The following PRKG1 variants were observed in gnomAD, a reference collection of about 807,000 sequenced individuals.
PRKG1 encodes protein kinase cGMP-dependent 1.
PRKG1 carries 35 observed loss-of-function variants against 88.1 expected under a neutral mutation model. That is an observed-to-expected ratio of 0.40 (90% CI 0.30 to 0.53). The LOEUF (loss-of-function observed/expected upper bound fraction) is 0.53, where lower values mean the gene tolerates loss of function less well. Ranked by LOEUF, PRKG1 falls within the 20% of genes least tolerant of loss-of-function variation. The pLI, the probability that PRKG1 is intolerant of heterozygous loss-of-function variation, is 0.59. For missense variants in PRKG1, 540 were observed against 839.8 expected (o/e 0.64, Z 4.41); for synonymous variants, 303 against 292.5 (o/e 1.04, Z -0.37).
intron 2 of PRKG1, among the ~76,000 whole-genome samples, chr10:51,194,297 G>T (rs1837706545): frequency 1.3e-5 from 2 of 149,226 alleles, no homozygotes; most frequent in African/African-American, 4.9e-5. Flanking sequence ...GAGCAGGTTT[G>T]TTACATAGGT....
chr10:51,054,222 A>G (rs1288440696), intron 1 of PRKG1, among the ~76,000 whole-genome samples: 1 of 152,198 alleles, frequency 6.6e-6, no homozygotes, highest in Non-Finnish European at 1.5e-5. Context: ...AAAAAATTCC[A>G]TGGAGACTTC....
chr10:52,239,802 A>T (rs536245816), intron 9 of PRKG1, among the ~76,000 whole-genome samples: 1 of 152,252 alleles, frequency 6.6e-6, no homozygotes, highest in East Asian at 1.9e-4. Flanking sequence ...ATATGCTCAG[A>T]GAAGCAATTA....
intron 3 of PRKG1, among the ~76,000 whole-genome samples, chr10:51,766,962 A>T (rs912995521): frequency 3.9e-5 from 6 of 152,210 alleles, no homozygotes; most frequent in Admixed American, 6.5e-5. Context: ...ACTCCACAAT[A>T]GAAGCCACTT....
intron 3 of PRKG1, among the ~76,000 whole-genome samples, chr10:51,726,168 T>A (rs1467304513): frequency 6.6e-6 from 1 of 152,216 alleles, no homozygotes. Flanking sequence ...GGTCTTTTTT[T>A]AAAGTTTGTT....
At chr10:52,282,121 G>T in intron 13 of PRKG1, 32 bp from the exon 14 acceptor site, 1 of 1,544,946 alleles carries the variant, frequency 6.5e-7, no homozygotes, top group Non-Finnish European at 8.8e-7. Context: ...ATCATAAGGA[G>T]CTTAAGTATC....
At chr10:51,036,807 G>A (rs1843359449) in intron 1 of PRKG1, among the ~76,000 whole-genome samples, 1 of 152,098 alleles carries the variant, frequency 6.6e-6, no homozygotes, top group South Asian at 2.1e-4. Context: ...AATGGGGAAG[G>A]GAAGGAACCA....
intron 5 of PRKG1, among the ~76,000 whole-genome samples, chr10:51,951,998 C>T (rs575443424): frequency 2.5e-4 from 38 of 152,122 alleles, no homozygotes; most frequent in Non-Finnish European, 3.8e-4. Flanking sequence ...CCTTGCCATA[C>T]CCATTTGTTA....
chr10:51,769,853 A>G (rs1021982622), intron 3 of PRKG1, among the ~76,000 whole-genome samples: 1 of 152,204 alleles, frequency 6.6e-6, no homozygotes, highest in Non-Finnish European at 1.5e-5. Context: ...GAGGGGAAAA[A>G]AAAGTCAAAA....
intron 1 of PRKG1, among the ~76,000 whole-genome samples, chr10:51,040,302 T>A (rs1233547988): frequency 7.2e-6 from 1 of 139,348 alleles, no homozygotes; most frequent in Non-Finnish European, 1.5e-5. Flanking sequence ...TGCTTTTTTT[T>A]CTTTTTCTCT....
intron 2 of PRKG1, among the ~76,000 whole-genome samples, chr10:51,196,641 CT>C (rs1162774994): frequency 1.3e-5 from 2 of 152,064 alleles, no homozygotes; most frequent in Non-Finnish European, 2.9e-5. Flanking sequence ...AATATTTGGG[CT>C]TGTGAACTGT....
rs1165277088 is a variant in PRKG1, at chr10:51,229,946, A to AC, written c.478+76616_478+76617insC. The stretch of plus-strand genomic sequence containing the variant: ...GATCTCAAAAAAAAAAAAAAAAAAA[A>AC]AAGAAAAAGAAAAAAGAAAGAAAAA... On this transcript the variant is annotated intron_variant, in intron 2 of 17. Transcript: ENST00000373980. Among the ~76,000 whole-genome samples the AC allele has an allele frequency of 7.3e-5, 11 of 149,854 alleles. No homozygotes were observed. In the Middle Eastern group the frequency reaches 0.014, roughly 191 times the overall value.
intron 7 of PRKG1, among the ~76,000 whole-genome samples, chr10:52,100,167 G>A (rs1347405051): frequency 6.6e-6 from 1 of 152,178 alleles, no homozygotes; most frequent in Admixed American, 6.5e-5. Context: ...TCCCAGCACA[G>A]TGAACTCATG....
chr10:52,277,157 T>G (rs927297623), intron 12 of PRKG1, among the ~76,000 whole-genome samples: 1 of 152,136 alleles, frequency 6.6e-6, no homozygotes, highest in Non-Finnish European at 1.5e-5. Flanking sequence ...GTGGTCTGTT[T>G]GCTTCGTGGT....
In PRKG1 at chr10:51,510,127, A is replaced by G. The variant is rs796744963; in HGVS notation, c.592+42291A>G. On this transcript the variant is annotated intron_variant, in intron 3 of 17. Coordinates refer to ENST00000373980, the MANE Select transcript of PRKG1 (RefSeq NM_006258.4). ...CTTTCCTTTCACTGCTTTTTTGTAA[A>G]CGTGATCTGTGAGGAAGAAAAATTG... Among the ~76,000 whole-genome samples, 6 of 152,198 alleles carry G rather than the reference A, an allele frequency of 3.9e-5. 1 individual carries two copies. The highest frequency in any genetic ancestry group is 1.2e-4 in the African/African-American group (5 of 41,536).
chr10:52,277,801 T>C (rs1324532951), intron 12 of PRKG1, among the ~76,000 whole-genome samples: 1 of 152,190 alleles, frequency 6.6e-6, no homozygotes, highest in African/African-American at 2.4e-5. Flanking sequence ...TCATGAGAAA[T>C]TGATCTCTCA....
chr10:51,504,668 C>T (rs561119638), intron 3 of PRKG1, among the ~76,000 whole-genome samples: 179 of 152,206 alleles, frequency 1.2e-3, no homozygotes, highest in Non-Finnish European at 2.2e-3. Context: ...TTGTAGTTCT[C>T]CTTGAAGAGG....
rs577532894 is a variant in PRKG1, at chr10:51,101,885, G to A, written c.311+26984G>A. Among the ~76,000 whole-genome samples, 7 of 152,290 alleles carry A rather than the reference G, an allele frequency of 4.6e-5. No homozygotes were observed. The South Asian group carries it at 1.5e-3, about 32-fold the overall frequency. On this transcript the variant is annotated intron_variant, in intron 1 of 17. Coordinates refer to ENST00000373980, the MANE Select transcript of PRKG1 (RefSeq NM_006258.4). ...GGTAAAATTGAGGCTAAAAATAGATGAATTGATTAAAATGTGTTTAAGAAT... is the reference window on the plus strand; with the variant it reads ...GGTAAAATTGAGGCTAAAAATAGATAAATTGATTAAAATGTGTTTAAGAAT...
chr10:51,126,200 G>A lies in PRKG1; in HGVS notation c.312-26964G>A, dbSNP rs867474017. ...TATATTTATATATAATTATTTATAT[G>A]TTATTTATAATTATTTATATATTTA... On this transcript the variant is annotated intron_variant, in intron 1 of 17. Transcript: ENST00000373980. 1.6e-3 allele frequency among the ~76,000 whole-genome samples: 182 copies of A among 113,238 alleles called. 1 individual carries two copies. The highest frequency in any genetic ancestry group is 6.5e-3 in the African/African-American group (178 of 27,472). 74.3% of individuals were successfully genotyped at this position (113,238 alleles called of 152,430 possible).
rs7085522 is a variant in PRKG1 at position 51,436,527 on chromosome 10, G to C, written c.479-31196G>C. 3.8e-3 allele frequency among the ~76,000 whole-genome samples: 581 copies of C among 152,066 alleles called. 3 individuals are homozygous for C. Among genetic ancestry groups the C allele is most frequent in the African/African-American group, 0.013 (538 of 41,506 alleles). ...ACTAACATCCATTGAGCATAAGCAA[G>C]ACATTTCAAGTTGACTTTAACTTTG... is the stretch of plus-strand genomic sequence containing the variant. On this transcript the variant is annotated intron_variant, in intron 2 of 17. Transcript: ENST00000373980.
Sources: gnomAD v4.1 joint callset for allele counts (sites outside exome capture counted in the v4.1 genomes callset) on GRCh38, gnomAD v4.1.1 for gene constraint, MANE v1.5 for transcripts, NCBI Gene and HGNC (gene_info 2026-07-23, HGNC 2026-07-21) for gene names.